Variants in NAALADL2 observed in about 807,000 individuals in gnomAD.
The protein encoded by NAALADL2 is inactive N-acetylated-alpha-linked acidic dipeptidase-like protein 2.
A neutral mutation model predicts 87.2 loss-of-function variants in NAALADL2; 76 were observed. That is an observed-to-expected ratio of 0.87 (90% CI 0.72 to 1.05). The LOEUF is 1.05. Ranked by LOEUF, NAALADL2 falls within the 50% of genes least tolerant of loss-of-function variation. NAALADL2 has a pLI of 0.00. For missense variants in NAALADL2, 1,089 were observed against 945.8 expected (o/e 1.15, Z -1.99); for synonymous variants, 354 against 331.0 (o/e 1.07, Z -0.75).
At chr3:175,106,680 A>T (rs970002867) in intron 2 of NAALADL2, among the ~76,000 whole-genome samples, 1 of 152,008 alleles carries the variant, frequency 6.6e-6, no homozygotes, top group Non-Finnish European at 1.5e-5. Flanking sequence ...AAAGTTGAGA[A>T]CTGTTTGTAT....
chr3:175,083,558 C>G (rs941665724), intron 1 of NAALADL2, among the ~76,000 whole-genome samples: 12 of 152,104 alleles, frequency 7.9e-5, no homozygotes, highest in African/African-American at 2.9e-4. Context: ...TTCTGGAGTT[C>G]ATAGCTAGTA....
chr3:175,368,843 A>G (rs1371319593), intron 5 of NAALADL2, among the ~76,000 whole-genome samples: 6 of 152,092 alleles, frequency 3.9e-5, no homozygotes, highest in Non-Finnish European at 7.4e-5. Context: ...ATGCAGTGGT[A>G]TTTGTATATC....
At chr3:175,581,690 C>T (rs183439969) in intron 10 of NAALADL2, among the ~76,000 whole-genome samples, 1 of 152,228 alleles carries the variant, frequency 6.6e-6, no homozygotes, top group African/African-American at 2.4e-5. Flanking sequence ...ACTCCACACA[C>T]TTGTGAATGT....
At chr3:175,787,462 G>A (rs1403592305) in intron 13 of NAALADL2, among the ~76,000 whole-genome samples, 1 of 152,324 alleles carries the variant, frequency 6.6e-6, no homozygotes, top group East Asian at 1.9e-4. Flanking sequence ...TCGGATGGGA[G>A]TGACCCGATT....
At chr3:175,499,377 C>T (rs113497965) in intron 9 of NAALADL2, among the ~76,000 whole-genome samples, 44 of 151,954 alleles carry the variant, frequency 2.9e-4, no homozygotes, top group African/African-American at 4.6e-4. Context: ...ACAAGTCTAG[C>T]GTAAGAGTCT....
rs541810793 is a variant in NAALADL2 at position 174,911,438 on chromosome 3, C to T, written c.43+51988C>T. On this transcript the variant is annotated intron_variant, in intron 1 of 13. Transcript: ENST00000454872. ...ATACAGCATTTGAAGCAATGGCACT[C>T]GACATTGGCATGAGGCAGTGGATGG... Among the ~76,000 whole-genome samples, 41 of 152,172 alleles carry T rather than the reference C, an allele frequency of 2.7e-4. 1 individual carries two copies. Among genetic ancestry groups the T allele is most frequent in the African/African-American group, 8.2e-4 (34 of 41,486 alleles).
intron 3 of NAALADL2, among the ~76,000 whole-genome samples, chr3:174,819,051 A>ATTTTTTTTTTTT (rs1560255249): frequency 1.2e-5 from 1 of 85,914 alleles, no homozygotes; most frequent in African/African-American, 3.8e-5. Flanking sequence ...TTATTATACC[A>ATTTTTTTTTTTT]TTTATTCTTT....
intron 6 of NAALADL2, among the ~76,000 whole-genome samples, chr3:175,457,582 C>G (rs997234528): frequency 6.6e-6 from 1 of 151,992 alleles, no homozygotes; most frequent in South Asian, 2.1e-4. Flanking sequence ...TGCAGTGGCA[C>G]CATTTTAGCT....
intron 1 of NAALADL2, among the ~76,000 whole-genome samples, chr3:174,442,715 G>C (rs923787406): frequency 1.3e-5 from 2 of 152,126 alleles, no homozygotes; most frequent in African/African-American, 4.8e-5. Context: ...TTCTAGTGGA[G>C]GGAGACAGTA....
chr3:174,647,257 ATT>A (rs946172238), intron 2 of NAALADL2, among the ~76,000 whole-genome samples: 3 of 152,220 alleles, frequency 2.0e-5, no homozygotes, highest in African/African-American at 7.2e-5. Context: ...TCAAGGTTGC[ATT>A]GTTAGTAATT....
chr3:175,313,557 T>C (rs1460270035), intron 4 of NAALADL2, among the ~76,000 whole-genome samples: 4 of 152,282 alleles, frequency 2.6e-5, no homozygotes, highest in African/African-American at 9.6e-5. Flanking sequence ...CGGGATTACA[T>C]TTTACTGGCT....
At chr3:175,777,360 T>C (rs988687677) in intron 13 of NAALADL2, among the ~76,000 whole-genome samples, 5 of 152,088 alleles carry the variant, frequency 3.3e-5, no homozygotes, top group African/African-American at 1.2e-4. Context: ...TTTCCTTCTC[T>C]ATAAAATGGA....
intron 9 of NAALADL2, among the ~76,000 whole-genome samples, chr3:175,499,832 C>A (rs181040741): frequency 2.0e-5 from 3 of 151,884 alleles, no homozygotes; most frequent in African/African-American, 4.8e-5. Context: ...TTGTAGGAAG[C>A]CTGCTATGTA....
At chr3:174,485,965 TCCC>T (rs1717832585) in intron 1 of NAALADL2, among the ~76,000 whole-genome samples, 3 of 152,020 alleles carry the variant, frequency 2.0e-5, no homozygotes, top group Non-Finnish European at 4.4e-5. Context: ...TAGCCAATTA[TCCC>T]AGCACCATTT....
intron 2 of NAALADL2, among the ~76,000 whole-genome samples, chr3:174,619,200 T>A (rs1720765475): frequency 6.6e-6 from 1 of 151,964 alleles, no homozygotes; most frequent in African/African-American, 2.4e-5. Flanking sequence ...TTTAGTGAAA[T>A]TGTGTAAATT....
At chr3:174,483,714 C>G (rs1396286519) in intron 1 of NAALADL2, among the ~76,000 whole-genome samples, 4 of 151,960 alleles carry the variant, frequency 2.6e-5, no homozygotes, top group Non-Finnish European at 4.4e-5. Context: ...AACTCGAATA[C>G]TTAAGTTGGA....
chr3:175,049,534 C>T (rs1270131764), intron 1 of NAALADL2, among the ~76,000 whole-genome samples: 1 of 152,200 alleles, frequency 6.6e-6, no homozygotes, highest in African/African-American at 2.4e-5. Context: ...ATCGTCAGGA[C>T]TCCATCCTTT....
chr3:174,472,912 A>G (rs752491310), intron 1 of NAALADL2, among the ~76,000 whole-genome samples: 8 of 152,138 alleles, frequency 5.3e-5, no homozygotes, highest in Non-Finnish European at 1.0e-4. Context: ...CAGTATCATT[A>G]CGTTCAATGA....
At chr3:175,497,871 T>C (rs1729023635) in intron 9 of NAALADL2, among the ~76,000 whole-genome samples, 1 of 152,148 alleles carries the variant, frequency 6.6e-6, no homozygotes, top group African/African-American at 2.4e-5. Flanking sequence ...GATAAATAGT[T>C]TTGTTTTGTT....
Sources: allele counts gnomAD v4.1 joint callset (sites outside exome capture counted in the v4.1 genomes callset), GRCh38; gene constraint gnomAD v4.1.1; transcripts MANE v1.5; gene names NCBI Gene and HGNC (gene_info 2026-07-23, HGNC 2026-07-21).